LPIN2: variants seen among roughly 807,000 people sequenced by gnomAD.
The protein encoded by LPIN2 is lipin 2.
Under a neutral mutation model 111.4 loss-of-function variants are expected in LPIN2, and 55 were observed. That is an observed-to-expected ratio of 0.49 (90% confidence interval 0.40 to 0.62). The LOEUF (loss-of-function observed/expected upper bound fraction) is 0.62, where lower values mean the gene tolerates loss of function less well. Ranked by LOEUF, LPIN2 falls within the 20% of genes least tolerant of loss-of-function variation. The probability of loss-of-function intolerance (pLI) is 0.00; values close to 1 mark genes in which losing one functional copy is unlikely to be tolerated. For synonymous variants in LPIN2, 425 were observed against 414.0 expected, an observed-to-expected ratio of 1.03 and a Z score of -0.32; for missense variants, 992 against 1,112.1, an observed-to-expected ratio of 0.89 and a Z score of 1.54.
At chr18:2,949,139 G>A (rs1180027747) in intron 4 of LPIN2, among the ~76,000 whole-genome samples, 4 of 152,120 alleles carry the variant, frequency 2.6e-5, no homozygotes, top group Non-Finnish European at 4.4e-5. Context: ...AAGTCAAGCA[G>A]TAGAAAAGTA....
chr18:2,936,729 G>A (rs2077291324), intron 7 of LPIN2, among the ~76,000 whole-genome samples: 1 of 152,044 alleles, frequency 6.6e-6, no homozygotes, highest in South Asian at 2.1e-4. Context: ...ACAGATGAAC[G>A]CCACCATGCC....
intron 1 of LPIN2, among the ~76,000 whole-genome samples, chr18:3,009,684 GC>G (rs1444143667): frequency 6.6e-6 from 1 of 151,872 alleles, no homozygotes; most frequent in African/African-American, 2.4e-5. Flanking sequence ...CAGGTGATCC[GC>G]CCGCCTCGGC....
At chr18:3,004,876 A>G (rs1380422927) in intron 1 of LPIN2, among the ~76,000 whole-genome samples, 1 of 152,130 alleles carries the variant, frequency 6.6e-6, no homozygotes, top group African/African-American at 2.4e-5. Flanking sequence ...ACCTTGTCCA[A>G]CTCATTCCAA....
At chr18:2,943,529 A>C (rs908309535) in intron 4 of LPIN2, among the ~76,000 whole-genome samples, 2 of 152,176 alleles carry the variant, frequency 1.3e-5, no homozygotes, top group South Asian at 4.1e-4. Flanking sequence ...ATAATATTTC[A>C]ATTACATTTA....
rs569057279 is a variant in LPIN2, at chr18:2,996,957, T to C, written c.-10+16130A>G. ...TGCCAGAATCAACACATCATAAATA[T>C]GTACATTTCATTTTTGGAGGCTTGT... On this transcript the variant is annotated intron_variant, in intron 1 of 19. Transcript: ENST00000677752. Among the ~76,000 whole-genome samples, 54 of 151,236 alleles carry C rather than the reference T, an allele frequency of 3.6e-4. 1 individual carries two copies. The highest frequency in any genetic ancestry group is 1.2e-3 in the African/African-American group (50 of 41,160).
At chr18:2,937,590 G>A (rs1317171643) in intron 7 of LPIN2, 102 bp downstream of exon 7, 9 of 891,356 alleles carry the variant, frequency 1.0e-5, no homozygotes, top group South Asian at 2.8e-5. Context: ...GGTTTCGACT[G>A]GTGAATACAA....
intron 1 of LPIN2, among the ~76,000 whole-genome samples, chr18:3,011,312 G>A (rs959325353): frequency 2.0e-5 from 3 of 152,116 alleles, no homozygotes; most frequent in African/African-American, 7.2e-5. Flanking sequence ...TCTCGACTGT[G>A]CCATCAAACG....
At chr18:2,981,718 C>T (rs2078113595) in intron 1 of LPIN2, among the ~76,000 whole-genome samples, 2 of 152,184 alleles carry the variant, frequency 1.3e-5, no homozygotes, top group Admixed American at 6.5e-5. Flanking sequence ...ATTCAAACCA[C>T]GTCTTTCCAT....
At chr18:2,945,980 C>T (rs1214612443) in intron 4 of LPIN2, 1 of 1,405,594 alleles carries the variant, frequency 7.1e-7, no homozygotes, top group African/African-American at 1.4e-5. Flanking sequence ...TATTTCGTCC[C>T]CTCATGGAAA....
chr18:2,974,982 G>A (rs1387431423), intron 1 of LPIN2, among the ~76,000 whole-genome samples: 3 of 152,174 alleles, frequency 2.0e-5, no homozygotes, highest in African/African-American at 7.2e-5. Flanking sequence ...CTAGGCAACA[G>A]AGCAAGATCC....
chr18:2,993,091 GCCATGATTGCA>G (rs1317695768), intron 1 of LPIN2, among the ~76,000 whole-genome samples: 2 of 151,892 alleles, frequency 1.3e-5, no homozygotes, highest in Admixed American at 6.6e-5. Context: ...TGTGCAGTAA[GCCATGATTGCA>G]CCACTGCGCT....
intron 12 of LPIN2, among the ~76,000 whole-genome samples, 178 bp downstream of exon 12, chr18:2,927,544 C>T (rs2077152145): frequency 6.6e-6 from 1 of 152,186 alleles, no homozygotes; most frequent in South Asian, 2.1e-4. Flanking sequence ...TGCTGAGCTA[C>T]AGTAAAGGAC....
intron 4 of LPIN2, 30 bp downstream of exon 4, chr18:2,951,025 A>C (rs761540737): frequency 1.9e-6 from 3 of 1,613,204 alleles, no homozygotes; most frequent in African/African-American, 1.3e-5. Flanking sequence ...AGGTACCCGC[A>C]CAAGACCCTT....
chr18:3,005,631 C>T (rs746845452), intron 1 of LPIN2, among the ~76,000 whole-genome samples: 1 of 150,940 alleles, frequency 6.6e-6, no homozygotes, highest in Non-Finnish European at 1.5e-5. Flanking sequence ...GAGCTGAAAT[C>T]GTGCCACTGT....
chr18:2,985,117 T>C (rs146847236), intron 1 of LPIN2: 2 of 152,306 alleles, frequency 1.3e-5, no homozygotes, highest in Admixed American at 6.5e-5. Flanking sequence ...ACATGTACTA[T>C]GGACCCATCA....
chr18:2,960,174 ATGTGTGTGTGTGTGTGTGTGTGTGTG>A (rs59457524), intron 2 of LPIN2, among the ~76,000 whole-genome samples: 4 of 136,542 alleles, frequency 2.9e-5, no homozygotes, highest in African/African-American at 1.1e-4. Context: ...CGACTCAAAA[ATGTGTGTGTGTGTGTGTGTGTGTGTG>A]TGTGTGTGTG....
chr18:2,941,258 T>C (rs1441425541), intron 4 of LPIN2, among the ~76,000 whole-genome samples: 1 of 152,230 alleles, frequency 6.6e-6, no homozygotes. Flanking sequence ...TCTTAAAACC[T>C]TGGGACTAAT....
At chr18:2,929,284 T>C (rs1598528981) in intron 9 of LPIN2, 126 bp from the exon 10 acceptor site, 1 of 695,770 alleles carries the variant, frequency 1.4e-6, no homozygotes, top group Non-Finnish European at 2.5e-6. Flanking sequence ...AATTTTTGAA[T>C]ATTCATCAAA....
At chr18:2,971,434 TCCCTA>T (rs748154345) in intron 1 of LPIN2, among the ~76,000 whole-genome samples, 21 of 152,038 alleles carry the variant, frequency 1.4e-4, no homozygotes, top group Non-Finnish European at 2.8e-4. Flanking sequence ...CCCTGCCCTC[TCCCTA>T]CCACAGCACC....
Sources: allele counts gnomAD v4.1 joint callset (sites outside exome capture counted in the v4.1 genomes callset), GRCh38; gene constraint gnomAD v4.1.1; transcripts MANE v1.5; gene names NCBI Gene and HGNC (gene_info 2026-07-23, HGNC 2026-07-21).